TP53BP1: variants seen among roughly 807,000 people sequenced by gnomAD.
TP53BP1 encodes the protein tumor protein p53 binding protein 1.
A neutral mutation model predicts 200.8 loss-of-function variants in TP53BP1; 61 were observed. That is an observed-to-expected ratio of 0.30 (90% CI 0.25 to 0.38). The LOEUF (loss-of-function observed/expected upper bound fraction) is 0.38. TP53BP1 is among the 10% of genes least tolerant of loss of function. The probability of loss-of-function intolerance (pLI) is 1.00; values close to 1 mark genes in which losing one functional copy is unlikely to be tolerated. For synonymous variants in TP53BP1, 822 were observed against 844.3 expected (o/e 0.97, Z 0.46); for missense variants, 2,144 against 2,371.9 (o/e 0.90, Z 2.00).
chr15:43,408,512 T>TG, intron 26 of TP53BP1: 1 of 267,872 alleles, frequency 3.7e-6, no homozygotes, highest in Non-Finnish European at 7.2e-6. Flanking sequence ...GGGTCCCCCT[T>TG]CTCTTCCTTC....
chr15:43,495,913 A>AC (rs2079180590), upstream of TP53BP1, among the ~76,000 whole-genome samples: 1 of 152,204 alleles, frequency 6.6e-6, no homozygotes, highest in East Asian at 1.9e-4. Context: ...CTTAAAAAAA[A>AC]CTGTTAAGAA....
At position 43,432,317 on chromosome 15, in the gene TP53BP1, C is replaced by T. The variant is rs1473652068; in HGVS notation, c.3552G>A (p.Glu1184=). The T allele has an allele frequency of 2.8e-5, 46 of 1,614,200 alleles. No homozygotes were observed. The highest frequency in any genetic ancestry group is 3.8e-5 in the Non-Finnish European group (45 of 1,180,026). The change falls in exon 17 of 28, where the codon GAG becomes GAA. Residue 1184 remains glutamate, a synonymous_variant. Transcript: ENST00000382044. Reference sequence around the variant, plus strand: ...TCTGGTCCACTGTACTGGTCCCCTGCTCACACACATTCTTTATAGTCTGGG... The same window carrying T: ...TCTGGTCCACTGTACTGGTCCCCTGTTCACACACATTCTTTATAGTCTGGG... ...AATQTIKNVC[E]QGTSTVDQNF...
intron 4 of TP53BP1, among the ~76,000 whole-genome samples, chr15:43,481,759 G>A (rs1333575327): frequency 6.7e-6 from 1 of 149,984 alleles, no homozygotes; most frequent in Non-Finnish European, 1.5e-5. Flanking sequence ...AGGTTGCAGT[G>A]AGCCGAGATC....
At chr15:43,446,743 C>A (rs1040620061) in intron 13 of TP53BP1, 153 bp from the exon 14 acceptor site, 4 of 1,507,030 alleles carry the variant, frequency 2.7e-6, no homozygotes, top group Non-Finnish European at 3.5e-6. Context: ...TAAGTATCAA[C>A]AACTACGAAC....
intron 4 of TP53BP1, among the ~76,000 whole-genome samples, chr15:43,483,125 T>A (rs143585473): frequency 3.3e-5 from 5 of 152,218 alleles, no homozygotes; most frequent in Non-Finnish European, 7.4e-5. Context: ...TATAGAATAA[T>A]GTACTTATTC....
At chr15:43,450,683 T>C (rs1306610771) in intron 12 of TP53BP1, among the ~76,000 whole-genome samples, 2 of 152,202 alleles carry the variant, frequency 1.3e-5, no homozygotes, top group East Asian at 1.9e-4. Context: ...CATAGACAGA[T>C]ACTTGAAGAG....
chr15:43,456,681 G>T lies in TP53BP1; in HGVS notation c.1927C>A (p.Leu643Ile), dbSNP rs1029508948. The change falls in exon 12 of 28, where the codon CTT becomes ATT. Residue 643 changes from leucine to isoleucine, a missense_variant. Physicochemically the swap from Leu to Ile is conservative, Grantham distance 5 (BLOSUM62 2). Coordinates refer to ENST00000382044, the MANE Select transcript of TP53BP1 (RefSeq NM_001141980.3). ...VPSPATRSEA[L>I]SSVLDQEEAM... The stretch of plus-strand genomic sequence containing the variant: ...TCCTCCTGATCTAACACACTAGAAA[G>T]TGCCTCAGATCGAGTAGCTGGTGAC... 1.2e-6 allele frequency: 2 copies of T among 1,614,006 alleles called. No individual in the cohort carries two copies. The highest frequency in any genetic ancestry group is 8.5e-7 in the Non-Finnish European group (1 of 1,180,050).
rs1390868465 is a variant in TP53BP1, at chr15:43,406,748, C to G, written c.*635G>C. The stretch of plus-strand genomic sequence containing the variant: ...CTTTGACTAGAACGTGTAACATTTC[C>G]AGGTGTTCTCACTTGTGCTTCCCAT... On this transcript the variant is annotated 3_prime_UTR_variant, in exon 28 of 28. Transcript: ENST00000382044. 2.6e-6 allele frequency: 1 copy of G among 385,734 alleles called. No homozygotes were observed. Among genetic ancestry groups the G allele is most frequent in the South Asian group, 2.0e-5 (1 of 49,996 alleles). 23.9% of individuals were successfully genotyped at this position (385,734 alleles called of 1,614,324 possible).
Position 43,404,278 on chromosome 15 carries a change from G to A in TP53BP1, c.*3105C>T. ...TCATTTTAGGAACTAATAGAAATAG[G>A]AATGTGGGAAGGCCAGGTGGTTCTG... On this transcript the variant is annotated 3_prime_UTR_variant, in exon 28 of 28. Transcript: ENST00000382044. 1 of 985,474 alleles carries A rather than the reference G, an allele frequency of 1.0e-6. No homozygotes were observed. The highest frequency in any genetic ancestry group is 1.5e-6 in the Non-Finnish European group (1 of 678,472). The allele number at this position is 985,474 out of a possible 1,614,324, so 61.0% of individuals were successfully genotyped here.
At chr15:43,453,542 TA>T (rs11417392) in intron 12 of TP53BP1, among the ~76,000 whole-genome samples, 41 of 147,398 alleles carry the variant, frequency 2.8e-4, no homozygotes, top group African/African-American at 6.9e-4. Flanking sequence ...ATTCTTAAGA[TA>T]AAAAAAAAGT....
At chr15:43,410,498 T>C (rs1297815065) in intron 24 of TP53BP1, among the ~76,000 whole-genome samples, 1 of 151,956 alleles carries the variant, frequency 6.6e-6, no homozygotes, top group Non-Finnish European at 1.5e-5. Context: ...TTTGACCAAA[T>C]ATCTAATTTG....
chr15:43,414,193 G>C, intron 23 of TP53BP1: 1 of 443,182 alleles, frequency 2.3e-6, no homozygotes, highest in Non-Finnish European at 4.6e-6. Context: ...AATTAGAAGT[G>C]AAGACCACCA....
intron 5 of TP53BP1, 96 bp downstream of exon 5, chr15:43,480,799 C>A (rs2078953247): frequency 3.0e-6 from 4 of 1,335,506 alleles, no homozygotes; most frequent in East Asian, 2.4e-5. Flanking sequence ...TATGAGAAAT[C>A]TGCAACCTAA....
At chr15:43,412,749 C>G in intron 24 of TP53BP1, 1 of 472,754 alleles carries the variant, frequency 2.1e-6, no homozygotes, top group Non-Finnish European at 4.4e-6. Context: ...ACCTGATTGA[C>G]TTGGATGGTT....
intron 10 of TP53BP1, among the ~76,000 whole-genome samples, chr15:43,472,717 A>G (rs1031632939): frequency 2.0e-5 from 3 of 152,258 alleles, no homozygotes; most frequent in African/African-American, 7.2e-5. Context: ...TAATAAGTCC[A>G]GTTCTTCCCC....
At chr15:43,410,573 A>C (rs958739467) in intron 24 of TP53BP1, among the ~76,000 whole-genome samples, 1 of 151,724 alleles carries the variant, frequency 6.6e-6, no homozygotes, top group African/African-American at 2.4e-5. Context: ...AAAAGAAAAG[A>C]AAAGCAAGAC....
intron 1 of TP53BP1, among the ~76,000 whole-genome samples, chr15:43,505,220 A>C (rs1179407409): frequency 6.6e-6 from 1 of 152,106 alleles, no homozygotes; most frequent in African/African-American, 2.4e-5. Flanking sequence ...AAAGGAAATA[A>C]CTCCATTCTA....
intron 5 of TP53BP1, among the ~76,000 whole-genome samples, chr15:43,480,639 T>C (rs2078951410): frequency 6.6e-6 from 1 of 152,028 alleles, no homozygotes; most frequent in Non-Finnish European, 1.5e-5. Context: ...AAGTACACAT[T>C]ACAAAAATAT....
chr15:43,503,645 C>T (rs2079221229), intron 1 of TP53BP1, among the ~76,000 whole-genome samples: 1 of 151,904 alleles, frequency 6.6e-6, no homozygotes, highest in Non-Finnish European at 1.5e-5. Context: ...GGCAACAGAG[C>T]AAGACTCCAT....
Sources: allele counts gnomAD v4.1 joint callset (sites outside exome capture counted in the v4.1 genomes callset), GRCh38; gene constraint gnomAD v4.1.1; transcripts MANE v1.5; gene names NCBI Gene and HGNC (gene_info 2026-07-23, HGNC 2026-07-21).